Variants in SATB1 observed in about 807,000 individuals in gnomAD.
The protein encoded by SATB1 is DNA-binding protein SATB1.
Under a neutral mutation model 86.9 loss-of-function variants are expected in SATB1, and 11 were observed. The observed-to-expected ratio is 0.13, with a 90% CI of 0.08 to 0.21. The LOEUF is 0.21. Among genes scored for constraint, SATB1 ranks in the 10% least tolerant of loss-of-function variants. SATB1 has a pLI of 1.00. For synonymous variants in SATB1, 357 were observed against 357.2 expected (o/e 1.00, Z 0.01); for missense variants, 551 against 937.6 (o/e 0.59, Z 5.39).
At chr3:18,363,058 T>C (rs1459971447) in intron 9 of SATB1, among the ~76,000 whole-genome samples, 1 of 152,154 alleles carries the variant, frequency 6.6e-6, no homozygotes, top group Non-Finnish European at 1.5e-5. Context: ...ACTGCATGTA[T>C]ATCCTAAAAT....
At chr3:18,353,921 G>A (rs1240115848) in intron 9 of SATB1, among the ~76,000 whole-genome samples, 1 of 152,134 alleles carries the variant, frequency 6.6e-6, no homozygotes, top group South Asian at 2.1e-4. Context: ...GCCACTGAAT[G>A]CATAATTCAA....
At chr3:18,360,091 A>G (rs1694834084) in intron 9 of SATB1, among the ~76,000 whole-genome samples, 1 of 152,144 alleles carries the variant, frequency 6.6e-6, no homozygotes, top group African/African-American at 2.4e-5. Context: ...TGATGACCAG[A>G]GTTTTCAAGA....
intron 9 of SATB1, among the ~76,000 whole-genome samples, chr3:18,355,194 T>C (rs1694569588): frequency 6.6e-6 from 1 of 151,944 alleles, no homozygotes; most frequent in Non-Finnish European, 1.5e-5. Flanking sequence ...TTGATGCGCA[T>C]TGCTCTTAAA....
At chr3:18,430,593 C>T (rs1698855606) in intron 2 of SATB1, among the ~76,000 whole-genome samples, 1 of 152,054 alleles carries the variant, frequency 6.6e-6, no homozygotes, top group Non-Finnish European at 1.5e-5. Flanking sequence ...ATGTAGATAC[C>T]TACTCGAACT....
intron 5 of SATB1, among the ~76,000 whole-genome samples, chr3:18,412,589 G>C (rs181217122): frequency 6.6e-6 from 1 of 152,088 alleles, no homozygotes; most frequent in Non-Finnish European, 1.5e-5. Context: ...ACTCCACAGG[G>C]GAAGAAAGGG....
At chr3:18,350,635 G>A (rs1029870062) in intron 10 of SATB1, 2 of 151,930 alleles carry the variant, frequency 1.3e-5, no homozygotes, top group South Asian at 2.1e-4. Context: ...TTATATTTTC[G>A]AATAAGTACT....
chr3:18,408,017 A>G (rs1028803399), intron 5 of SATB1, among the ~76,000 whole-genome samples: 1 of 152,074 alleles, frequency 6.6e-6, no homozygotes, highest in African/African-American at 2.4e-5. Context: ...TGTTATTCAG[A>G]TAAGAATGTG....
At chr3:18,392,612 T>C (rs1256747377) in intron 7 of SATB1, among the ~76,000 whole-genome samples, 1 of 151,808 alleles carries the variant, frequency 6.6e-6, no homozygotes, top group African/African-American at 2.4e-5. Context: ...TATACATATA[T>C]ATATAATTTG....
intron 5 of SATB1, among the ~76,000 whole-genome samples, chr3:18,407,598 G>C (rs1045718508): frequency 3.3e-5 from 5 of 151,870 alleles, no homozygotes; most frequent in Non-Finnish European, 7.4e-5. Flanking sequence ...ATTATCTTCC[G>C]ACTTTATAGA....
At chr3:18,370,880 G>A (rs1415429030) in intron 9 of SATB1, among the ~76,000 whole-genome samples, 2 of 152,216 alleles carry the variant, frequency 1.3e-5, no homozygotes, top group Non-Finnish European at 2.9e-5. Context: ...CCGTAGCGTC[G>A]ATACTCGACA....
chr3:18,349,172 A>G lies in SATB1; in HGVS notation c.2290T>C (p.Ter764ArgextTer18). The G allele has an allele frequency of 6.2e-7, 1 of 1,612,562 alleles. No individual in the cohort carries two copies. The highest frequency in any genetic ancestry group is 8.5e-7 in the Non-Finnish European group (1 of 1,179,130). The change falls in exon 11 of 11, where the codon TGA becomes CGA. Residue 764 changes from the stop codon to arginine (R), a stop_lost. Transcript: ENST00000338745. This position sits in a 1 kb window ranked among gnomAD's most constrained non-coding sequence, Gnocchi z 5.5. ...NTDINTDLKD[*>R] is the part of the protein sequence containing the mutation. ...TGAACGAAACAAATACTTTTATCTC[A>G]GTCTTTCAAATCAGTATTAATGTCT...
At chr3:18,380,480 C>T (rs1181188465) in intron 8 of SATB1, among the ~76,000 whole-genome samples, 1 of 151,022 alleles carries the variant, frequency 6.6e-6, no homozygotes, top group Admixed American at 6.6e-5. Flanking sequence ...AGCACAAATT[C>T]TAAATTATTT....
At chr3:18,360,525 A>AT (rs113322645) in intron 9 of SATB1, among the ~76,000 whole-genome samples, 45,621 of 147,526 alleles carry the variant, frequency 0.31, 7,652 homozygotes, top group East Asian at 0.39. Context: ...CCTTTCTCCT[A>AT]TTTTTTTTTT....
chr3:18,395,021 C>A (rs1233742776), intron 6 of SATB1, 105 bp from the exon 7 acceptor site: 6 of 881,596 alleles, frequency 6.8e-6, no homozygotes, highest in Non-Finnish European at 1.0e-5. Flanking sequence ...CAGGGCACAC[C>A]CCAAATCCAA....
At chr3:18,366,423 C>T (rs1695189403) in intron 9 of SATB1, among the ~76,000 whole-genome samples, 1 of 149,612 alleles carries the variant, frequency 6.7e-6, no homozygotes, top group Non-Finnish European at 1.5e-5. Context: ...TTTTAATGTG[C>T]CAGAAAAAAA....
At chr3:18,421,351 G>C (rs960773441) in intron 1 of SATB1, 18 of 183,030 alleles carry the variant, frequency 9.8e-5, no homozygotes, top group Non-Finnish European at 2.1e-4. Flanking sequence ...TTAACAATTA[G>C]AAACACATTA....
chr3:18,400,542 T>TA (rs773388497), intron 5 of SATB1, among the ~76,000 whole-genome samples: 21 of 152,176 alleles, frequency 1.4e-4, no homozygotes, highest in Non-Finnish European at 2.8e-4. Flanking sequence ...AGCATATACT[T>TA]AAATTCTACT....
At position 18,445,107 on chromosome 3, in the gene SATB1, G is replaced by A. The variant is rs1476464775; in HGVS notation, c.-25+411C>T. On this transcript the variant is annotated intron_variant, in intron 1 of 3. Coordinates refer to the SATB1 transcript ENST00000415069. ...CTTCGGACCGGGCACGCTGCGCCCG[G>A]GGGCTCGGCGGACCCCGCGTAGCCG... The A allele has an allele frequency of 9.8e-6, 6 of 611,682 alleles. No homozygotes were observed. In the East Asian group the frequency reaches 5.7e-4, roughly 59 times the overall value. 37.9% of individuals were successfully genotyped at this position (611,682 alleles called of 1,614,324 possible).
intron 7 of SATB1, among the ~76,000 whole-genome samples, chr3:18,390,327 T>C (rs551239237): frequency 3.3e-5 from 5 of 152,166 alleles, no homozygotes; most frequent in South Asian, 2.1e-4. Flanking sequence ...AGAAAATACA[T>C]AGAATATTCT....
Sources: gnomAD v4.1 joint callset for allele counts (sites outside exome capture counted in the v4.1 genomes callset) on GRCh38, gnomAD v4.1.1 for gene constraint, Gnocchi (gnomAD v3.1) non-coding constraint, MANE v1.5 for transcripts, NCBI Gene and HGNC (gene_info 2026-07-23, HGNC 2026-07-21) for gene names.